Variants in TMPRSS9 observed in about 807,000 individuals in gnomAD.
TMPRSS9 encodes the protein transmembrane protease serine 9.
A neutral mutation model predicts 111.4 loss-of-function variants in TMPRSS9; 113 were observed. The observed-to-expected ratio is 1.01, with a 90% confidence interval of 0.87 to 1.19. The LOEUF (loss-of-function observed/expected upper bound fraction) is 1.19. Ranked by LOEUF, TMPRSS9 falls within the 50% of genes most tolerant of loss-of-function variation. The pLI, the probability that TMPRSS9 is intolerant of heterozygous loss-of-function variation, is 0.00. For missense variants in TMPRSS9, 1,803 were observed against 1,513.1 expected (o/e 1.19, Z -3.18); for synonymous variants, 805 against 659.1 (o/e 1.22, Z -3.39).
intron 15 of TMPRSS9, 31 bp downstream of exon 16, chr19:2,424,288 A>G (rs899022860): frequency 5.3e-6 from 7 of 1,328,896 alleles, no homozygotes; most frequent in Non-Finnish European, 6.8e-6. Context: ...ATGCCCCTAC[A>G]TGTCTCTGTA....
At chr19:2,363,398 G>A (rs747115953) in intron 1 of TMPRSS9, among the ~76,000 whole-genome samples, 12 of 152,038 alleles carry the variant, frequency 7.9e-5, no homozygotes, top group Admixed American at 3.9e-4. Flanking sequence ...AGGGCTTTGC[G>A]GAGACGTGGA....
At chr19:2,384,077 C>T (rs973231172) in intron 1 of TMPRSS9, among the ~76,000 whole-genome samples, 10 of 152,122 alleles carry the variant, frequency 6.6e-5, no homozygotes, top group African/African-American at 2.2e-4. Flanking sequence ...GAGAAGCCCT[C>T]GGCCACGTGG....
At chr19:2,416,735 C>T (rs555596601) in exon 12 of TMPRSS9, 1 of 1,613,154 alleles carries the variant, frequency 6.2e-7, no homozygotes, top group East Asian at 2.2e-5. Flanking sequence ...GTCTGCCTGC[C>T]CCTGGCCATC....
At chr19:2,373,311 A>T (rs1568168822) in intron 1 of TMPRSS9, among the ~76,000 whole-genome samples, 1 of 150,500 alleles carries the variant, frequency 6.6e-6, no homozygotes. Context: ...GCTCACTTCA[A>T]CCTCTGCCTC....
intron 1 of TMPRSS9, among the ~76,000 whole-genome samples, chr19:2,372,322 C>T (rs1970298188): frequency 6.6e-6 from 1 of 150,860 alleles, no homozygotes; most frequent in South Asian, 2.1e-4. Context: ...GGGGCATTCT[C>T]ACATATCTCT....
intron 1 of TMPRSS9, among the ~76,000 whole-genome samples, chr19:2,379,083 G>A (rs1251204854): frequency 6.6e-6 from 1 of 151,748 alleles, no homozygotes; most frequent in Admixed American, 6.6e-5. Flanking sequence ...CCTGGAGGGA[G>A]AAGTCAAGAA....
In TMPRSS9 at chr19:2,402,536, T is replaced by G. The variant is rs1970872974; in HGVS notation, c.556+520T>G. ...GGGTGGATCACCTGAGGTCAGGAGT[T>G]CGAGACCAGCCTGACCAACATGGAG... On this transcript the variant is annotated intron_variant, in intron 5 of 17. Transcript: ENST00000648592. Among the ~76,000 whole-genome samples, 3 of 151,974 alleles carry G rather than the reference T, an allele frequency of 2.0e-5. No individual in the cohort carries two copies. In the South Asian group the frequency reaches 6.2e-4, roughly 32 times the overall value.
At chr19:2,404,299 C>G (rs1305836729) in intron 6 of TMPRSS9, among the ~76,000 whole-genome samples, 1 of 151,672 alleles carries the variant, frequency 6.6e-6, no homozygotes, top group Non-Finnish European at 1.5e-5. Context: ...AAATCATTGT[C>G]TGTCTAAAAT....
At chr19:2,369,902 C>T (rs1192042095) in intron 1 of TMPRSS9, among the ~76,000 whole-genome samples, 1 of 151,986 alleles carries the variant, frequency 6.6e-6, no homozygotes, top group Non-Finnish European at 1.5e-5. Context: ...GGGCTGTGGT[C>T]TCATCAGAAA....
At chr19:2,403,014 G>A (rs1970884890) in intron 5 of TMPRSS9, 68 bp from the exon 7 acceptor site, 15 of 1,116,968 alleles carry the variant, frequency 1.3e-5, no homozygotes, top group South Asian at 2.6e-5. Flanking sequence ...ACTAAGTATA[G>A]CATGGTGCCT....
chr19:2,386,480 G>A (rs1158973196), upstream of TMPRSS9, among the ~76,000 whole-genome samples: 2 of 151,546 alleles, frequency 1.3e-5, no homozygotes, highest in Non-Finnish European at 2.9e-5. Context: ...ACTCCAGCCT[G>A]GGTGACAGAG....
chr19:2,424,541 CCCT>C lies in TMPRSS9; in HGVS notation c.2717+287_2717+289del, dbSNP rs970861137. On this transcript the variant is annotated intron_variant, in intron 15 of 17. Transcript: ENST00000648592. ...CCTAACCCGGAAGCTGCGGCCCCCC[CCCT>C]CCAGCTCCAGGCTAAGCCCACGGGA... Among the ~76,000 whole-genome samples the C allele has an allele frequency of 3.1e-4, 43 of 139,576 alleles. 1 individual carries two copies. Among genetic ancestry groups the C allele is most frequent in the African/African-American group, 1.1e-3 (39 of 36,468 alleles). 91.6% of individuals were successfully genotyped at this position (139,576 alleles called of 152,430 possible).
At chr19:2,411,832 G>T (rs1041871403) in intron 9 of TMPRSS9, among the ~76,000 whole-genome samples, 7 of 152,158 alleles carry the variant, frequency 4.6e-5, no homozygotes, top group African/African-American at 1.7e-4. Flanking sequence ...GATTACAGGT[G>T]TGAGCCACCA....
At chr19:2,378,482 G>A (rs1444725365) in intron 1 of TMPRSS9, among the ~76,000 whole-genome samples, 1 of 151,898 alleles carries the variant, frequency 6.6e-6, no homozygotes, top group Non-Finnish European at 1.5e-5. Context: ...CACTTTGGGA[G>A]GCCAAGGTGA....
chr19:2,422,978 G>A (rs1024595595), intron 14 of TMPRSS9, among the ~76,000 whole-genome samples: 2 of 150,910 alleles, frequency 1.3e-5, no homozygotes, highest in Admixed American at 1.3e-4. Context: ...AATCATTTGA[G>A]CTCAGGAAGC....
intron 1 of TMPRSS9, among the ~76,000 whole-genome samples, chr19:2,364,847 C>T (rs1479343355): frequency 2.6e-5 from 4 of 151,850 alleles, no homozygotes; most frequent in Non-Finnish European, 4.4e-5. Flanking sequence ...ATTAGCCGGG[C>T]CTGGTGGCGG....
chr19:2,411,020 C>T (rs903421176), intron 9 of TMPRSS9, among the ~76,000 whole-genome samples: 3 of 152,078 alleles, frequency 2.0e-5, no homozygotes, highest in Admixed American at 6.6e-5. Flanking sequence ...GGTTCCAGGG[C>T]TGGGCACGGT....
intron 1 of TMPRSS9, among the ~76,000 whole-genome samples, chr19:2,363,134 C>T (rs1011871481): frequency 1.6e-4 from 24 of 152,186 alleles, no homozygotes; most frequent in Admixed American, 1.1e-3. Context: ...CTGCCCACAG[C>T]GTGTGAACGT....
Position 2,398,761 on chromosome 19 carries a change from G to T in TMPRSS9, c.271-34G>T, listed in dbSNP as rs369604023. 6 of 1,374,444 alleles carry T rather than the reference G, an allele frequency of 4.4e-6. No individual in the cohort carries two copies. In the African/African-American group the frequency reaches 8.7e-5, roughly 20 times the overall value. 85.1% of individuals were successfully genotyped at this position (1,374,444 alleles called of 1,614,324 possible). Reference sequence around the variant, plus strand: ...CAGTGCCAGGGTGCCCATGCTGTGGGTCTCAACATTTGATATTCTTGTTTC... The same window carrying T: ...CAGTGCCAGGGTGCCCATGCTGTGGTTCTCAACATTTGATATTCTTGTTTC... On this transcript the variant is annotated intron_variant, in intron 2 of 17. Transcript: ENST00000648592.
Sources: gnomAD v4.1 joint callset for allele counts (sites outside exome capture counted in the v4.1 genomes callset) on GRCh38, gnomAD v4.1.1 for gene constraint, MANE v1.5 for transcripts, NCBI Gene and HGNC (gene_info 2026-07-23, HGNC 2026-07-21) for gene names.